Variants in PEX7 observed in about 807,000 individuals in gnomAD.
PEX7 encodes peroxisomal biogenesis factor 7, also known as PTS2 receptor.
Under a neutral mutation model 47.5 loss-of-function variants are expected in PEX7, and 34 were observed. The observed-to-expected ratio is 0.72, with a 90% CI of 0.54 to 0.95. PEX7 has a LOEUF of 0.95. PEX7 is among the 40% of genes least tolerant of loss of function. The pLI is 0.00. For synonymous variants in PEX7, 141 were observed against 148.8 expected, an observed-to-expected ratio of 0.95 and a Z score of 0.38; for missense variants, 394 against 400.3, an observed-to-expected ratio of 0.98 and a Z score of 0.13.
chr6:136,873,161 T>C (rs1383658283), intron 8 of PEX7, among the ~76,000 whole-genome samples: 1 of 152,190 alleles, frequency 6.6e-6, no homozygotes, highest in Non-Finnish European at 1.5e-5. Context: ...CATAAAGATA[T>C]ATTCAGAAAG....
chr6:136,822,687 G>C lies in PEX7; in HGVS notation c.22G>C (p.Ala8Pro), dbSNP rs1427240247. 4 of 1,522,268 alleles carry C rather than the reference G, an allele frequency of 2.6e-6. No individual in the cohort carries two copies. The Admixed American group carries it at 8.0e-5, about 30-fold the overall frequency. 94.3% of individuals were successfully genotyped at this position (1,522,268 alleles called of 1,614,324 possible). Residue 8 changes from alanine (A) to proline (P), a missense_variant, in exon 1 of 10, where the codon GCG becomes CCG. By Grantham distance (27) the Ala-to-Pro change is conservative (BLOSUM62 -1). Transcript: ENST00000318471. Reference protein sequence around the residue: MSAVCGGAARMLRTPGRH... With the variant: MSAVCGGPARMLRTPGRH... Reference sequence around the variant, plus strand: ...CGGGATGAGTGCGGTGTGCGGTGGAGCGGCGCGGATGCTGCGGACGCCGGG... The same window carrying C: ...CGGGATGAGTGCGGTGTGCGGTGGACCGGCGCGGATGCTGCGGACGCCGGG...
intron 9 of PEX7, among the ~76,000 whole-genome samples, chr6:136,901,846 C>T (rs111627190): frequency 1.1e-3 from 174 of 152,324 alleles, no homozygotes; most frequent in African/African-American, 4.1e-3. Context: ...AGTGCAATGG[C>T]GTGATCTCGG....
At chr6:136,834,283 C>G (rs1699907915) in intron 3 of PEX7, among the ~76,000 whole-genome samples, 1 of 152,230 alleles carries the variant, frequency 6.6e-6, no homozygotes, top group Admixed American at 6.5e-5. Flanking sequence ...CCTCTGACTC[C>G]TGAGGCAAGC....
At chr6:136,851,134 A>G (rs1277473119) in intron 5 of PEX7, among the ~76,000 whole-genome samples, 4 of 61,402 alleles carry the variant, frequency 6.5e-5, no homozygotes, top group Admixed American at 3.7e-4. Flanking sequence ...ATATCTCCCA[A>G]TGCTATCCCT....
Position 136,822,664 on chromosome 6 carries a change from G to A in PEX7, c.-2G>A. 6.6e-7 allele frequency: 1 copy of A among 1,526,114 alleles called. No homozygotes were observed. The highest frequency in any genetic ancestry group is 8.8e-7 in the Non-Finnish European group (1 of 1,142,274). 94.5% of individuals were successfully genotyped at this position (1,526,114 alleles called of 1,614,324 possible). A position where few individuals can be genotyped will look rare whatever the true frequency, so the allele number is the denominator to read the frequency against. On this transcript the variant is annotated 5_prime_UTR_variant, in exon 1 of 10. Coordinates refer to ENST00000318471, the MANE Select transcript of PEX7 (RefSeq NM_000288.4). ...CAGCGAGGGCCGGGGGCGGCGGGCG[G>A]GATGAGTGCGGTGTGCGGTGGAGCG...
chr6:136,903,913 C>T (rs756212933), intron 9 of PEX7, among the ~76,000 whole-genome samples: 43 of 151,764 alleles, frequency 2.8e-4, no homozygotes, highest in Non-Finnish European at 5.6e-4. Context: ...CTCAAGTGAT[C>T]CTCCCACCTC....
intron 1 of PEX7, 65 bp from the exon 2 acceptor site, chr6:136,825,149 C>A: frequency 7.5e-7 from 1 of 1,335,936 alleles, no homozygotes; most frequent in Non-Finnish European, 1.1e-6. Flanking sequence ...TACTTGATAA[C>A]TCCTTGACTT....
intron 5 of PEX7, among the ~76,000 whole-genome samples, chr6:136,865,406 C>A (rs572874067): frequency 3.3e-5 from 5 of 152,202 alleles, no homozygotes; most frequent in Non-Finnish European, 5.9e-5. Context: ...TCAAGTGATT[C>A]TTCTGCCTTA....
chr6:136,854,613 G>C (rs992260379), intron 5 of PEX7, among the ~76,000 whole-genome samples: 1 of 152,188 alleles, frequency 6.6e-6, no homozygotes, highest in Non-Finnish European at 1.5e-5. Context: ...GTTGGTGAAA[G>C]ATTCTACCAC....
intron 5 of PEX7, among the ~76,000 whole-genome samples, chr6:136,848,556 C>T (rs1265019743): frequency 2.0e-5 from 3 of 152,004 alleles, no homozygotes; most frequent in Non-Finnish European, 4.4e-5. Context: ...GTTTTTAGCA[C>T]GAAGGGCTGT....
chr6:136,847,291 G>A (rs1227722163), intron 5 of PEX7, among the ~76,000 whole-genome samples: 1 of 151,996 alleles, frequency 6.6e-6, no homozygotes, highest in East Asian at 1.9e-4. Flanking sequence ...CCATTTCGTA[G>A]GTTGCCTGTT....
intron 9 of PEX7, among the ~76,000 whole-genome samples, chr6:136,906,019 C>T (rs1775839294): frequency 6.6e-6 from 1 of 152,172 alleles, no homozygotes; most frequent in Admixed American, 6.5e-5. Flanking sequence ...TTATTTGTAC[C>T]TTTACCGTGG....
At chr6:136,859,900 CT>C (rs1423329072) in intron 5 of PEX7, among the ~76,000 whole-genome samples, 1 of 151,922 alleles carries the variant, frequency 6.6e-6, no homozygotes, top group Non-Finnish European at 1.5e-5. Flanking sequence ...TGGCGGGTGC[CT>C]GTAATCCCAG....
intron 5 of PEX7, among the ~76,000 whole-genome samples, chr6:136,847,341 T>G (rs1029259541): frequency 1.1e-4 from 16 of 151,710 alleles, no homozygotes; most frequent in South Asian, 6.2e-4. Flanking sequence ...AGAAGCTCTT[T>G]AGTTTAATTA....
chr6:136,912,078 C>G (rs1775942800), intron 9 of PEX7, among the ~76,000 whole-genome samples: 1 of 152,128 alleles, frequency 6.6e-6, no homozygotes, highest in Non-Finnish European at 1.5e-5. Context: ...TTTTGCCCAT[C>G]ATTTTTCATT....
intron 8 of PEX7, among the ~76,000 whole-genome samples, chr6:136,892,281 G>A (rs1037808480): frequency 2.0e-5 from 3 of 152,134 alleles, no homozygotes; most frequent in Non-Finnish European, 4.4e-5. Context: ...AAGAGTTTAG[G>A]GGATACCTGA....
intron 3 of PEX7, among the ~76,000 whole-genome samples, chr6:136,827,763 C>T (rs965948462): frequency 7.2e-5 from 11 of 151,842 alleles, no homozygotes; most frequent in Non-Finnish European, 1.6e-4. Context: ...AACTCCTGGG[C>T]TCACATGATC....
intron 8 of PEX7, among the ~76,000 whole-genome samples, chr6:136,885,958 A>T (rs1322143194): frequency 1.3e-5 from 2 of 152,158 alleles, no homozygotes; most frequent in African/African-American, 4.8e-5. Flanking sequence ...GATTGTTGTG[A>T]TGGTTAGAAG....
At chr6:136,912,042 T>C (rs890854392) in intron 9 of PEX7, among the ~76,000 whole-genome samples, 23 of 152,348 alleles carry the variant, frequency 1.5e-4, no homozygotes, top group Admixed American at 1.4e-3. Context: ...TCCCTAATGA[T>C]GTTGAGCACT....
Sources: allele counts gnomAD v4.1 joint callset (sites outside exome capture counted in the v4.1 genomes callset), GRCh38; gene constraint gnomAD v4.1.1; transcripts MANE v1.5; gene names NCBI Gene and HGNC (gene_info 2026-07-23, HGNC 2026-07-21).